The following ATP10B variants were observed in gnomAD, a reference collection of about 807,000 sequenced individuals.
The protein encoded by ATP10B is phospholipid-transporting ATPase VB.
In ATP10B, 122 loss-of-function variants were observed where a neutral mutation model predicts 141.2. The ratio of observed to expected loss-of-function variants is 0.86; its 90% CI spans 0.75 to 1.00. ATP10B has a LOEUF of 1.00. ATP10B is among the 50% of genes least tolerant of loss of function. The probability of loss-of-function intolerance (pLI) is 0.00; values close to 1 mark genes in which losing one functional copy is unlikely to be tolerated. For synonymous variants in ATP10B, 685 were observed against 692.0 expected (o/e 0.99, Z 0.16); for missense variants, 1,876 against 1,825.3 (o/e 1.03, Z -0.51).
chr5:160,816,883 C>A (rs1773675231), intron 1 of ATP10B, among the ~76,000 whole-genome samples: 1 of 152,148 alleles, frequency 6.6e-6, no homozygotes, highest in South Asian at 2.1e-4. Flanking sequence ...AGCATATAAA[C>A]AGAACCAAAG....
chr5:160,802,602 G>A (rs1268474145), intron 1 of ATP10B, among the ~76,000 whole-genome samples: 3 of 152,218 alleles, frequency 2.0e-5, no homozygotes, highest in Admixed American at 2.0e-4. Context: ...ACTTAGACAA[G>A]TTCAAAATGC....
chr5:160,749,272 A>G (rs537389012), intron 2 of ATP10B, among the ~76,000 whole-genome samples: 1 of 152,202 alleles, frequency 6.6e-6, no homozygotes. Flanking sequence ...CAGCTCTGTT[A>G]CACATAAGGA....
chr5:160,743,549 C>A (rs770681571), intron 2 of ATP10B, among the ~76,000 whole-genome samples: 1 of 152,044 alleles, frequency 6.6e-6, no homozygotes, highest in Admixed American at 6.5e-5. Context: ...GATTATTAAG[C>A]TAATTTTTTT....
the ATP10B span, among the ~76,000 whole-genome samples, chr5:160,903,233 G>T: frequency 1.3e-5 from 2 of 152,140 alleles, no homozygotes. Flanking sequence ...CTGGAACCTG[G>T]TCTGCTGACT....
intron 3 of ATP10B, among the ~76,000 whole-genome samples, chr5:160,705,953 T>A (rs758949607): frequency 6.6e-6 from 1 of 152,180 alleles, no homozygotes; most frequent in Non-Finnish European, 1.5e-5. Flanking sequence ...GAGGCCATTG[T>A]AGGGTTATTT....
At chr5:160,881,701 C>T in the ATP10B span, among the ~76,000 whole-genome samples, 1 of 151,998 alleles carries the variant, frequency 6.6e-6, no homozygotes, top group African/African-American at 2.4e-5. Flanking sequence ...GTCCCAGCTA[C>T]TTGGGAGGCT....
intron 17 of ATP10B, chr5:160,613,976 T>C (rs1757864899): frequency 6.6e-6 from 1 of 152,066 alleles, no homozygotes; most frequent in African/African-American, 2.4e-5. Flanking sequence ...GGATGCATAT[T>C]GAAAAGATTA....
intron 20 of ATP10B, 78 bp from the exon 21 acceptor site, chr5:160,602,780 T>C (rs1757167473): frequency 6.3e-7 from 1 of 1,595,600 alleles, no homozygotes; most frequent in Non-Finnish European, 8.6e-7. Flanking sequence ...AGGGCGTTGC[T>C]TTGGTCTAGG....
At chr5:160,845,248 C>T (rs1776050550) in intron 1 of ATP10B, among the ~76,000 whole-genome samples, 1 of 152,046 alleles carries the variant, frequency 6.6e-6, no homozygotes, top group Non-Finnish European at 1.5e-5. Context: ...ATTGTGGTAC[C>T]CTGGGATGCT....
the ATP10B span, among the ~76,000 whole-genome samples, chr5:160,887,358 A>G: frequency 6.7e-6 from 1 of 150,016 alleles, no homozygotes. Context: ...GGGAATAACT[A>G]CAAGAAAAAT....
Position 160,564,515 on chromosome 5 carries a change from G to A in ATP10B, c.*938C>T, listed in dbSNP as rs1408997753. 1.3e-5 allele frequency: 2 copies of A among 152,136 alleles called. No individual in the cohort carries two copies. The highest frequency in any genetic ancestry group is 2.9e-5 in the Non-Finnish European group (2 of 68,028). The allele number at this position is 152,136 out of a possible 1,614,324, so 9.4% of individuals were successfully genotyped here. A position where few individuals can be genotyped will look rare whatever the true frequency, so the allele number is the denominator to read the frequency against. ...GTTTCAGATTAGTTCTACCCTTGAA[G>A]ATGTCATTGTTTAAGCTCAGGGTTG... On this transcript the variant is annotated 3_prime_UTR_variant, in exon 26 of 26. Coordinates refer to ENST00000327245, the MANE Select transcript of ATP10B (RefSeq NM_025153.3).
chr5:160,894,471 T>C, the ATP10B span, among the ~76,000 whole-genome samples: 3 of 151,718 alleles, frequency 2.0e-5, no homozygotes, highest in Non-Finnish European at 4.4e-5. Context: ...AATATCAACT[T>C]AATGAAATAA....
At chr5:160,752,677 C>T (rs1270924056) in intron 2 of ATP10B, among the ~76,000 whole-genome samples, 1 of 152,120 alleles carries the variant, frequency 6.6e-6, no homozygotes, top group African/African-American at 2.4e-5. Context: ...AAGTAGACAG[C>T]TTAAATTCAA....
chr5:160,835,374 T>C (rs1197951365), intron 1 of ATP10B, among the ~76,000 whole-genome samples: 1 of 152,158 alleles, frequency 6.6e-6, no homozygotes, highest in Non-Finnish European at 1.5e-5. Context: ...TCCAGTCATC[T>C]ACAGGGGAGA....
chr5:160,920,676 A>C, the ATP10B span, among the ~76,000 whole-genome samples: 1 of 152,248 alleles, frequency 6.6e-6, no homozygotes, highest in Non-Finnish European at 1.5e-5. Context: ...TCCTAGGCTC[A>C]AGCCACACCT....
chr5:160,577,236 A>T (rs956765890), intron 24 of ATP10B, among the ~76,000 whole-genome samples: 9 of 152,112 alleles, frequency 5.9e-5, no homozygotes, highest in African/African-American at 2.2e-4. Context: ...GGCTCTTTTC[A>T]TCTTTCTGCT....
intron 20 of ATP10B, chr5:160,603,307 C>G (rs1028559660): frequency 1.3e-5 from 2 of 154,876 alleles, no homozygotes; most frequent in African/African-American, 4.8e-5. Context: ...GAATAGCAAT[C>G]CCTTACAGGG....
chr5:160,862,800 A>G, the ATP10B span, among the ~76,000 whole-genome samples: 1 of 151,986 alleles, frequency 6.6e-6, no homozygotes, highest in African/African-American at 2.4e-5. Flanking sequence ...ACATATTTGC[A>G]GAAATAGATA....
chr5:160,924,094 G>A, the ATP10B span, among the ~76,000 whole-genome samples: 440 of 152,332 alleles, frequency 2.9e-3, 1 homozygote, highest in African/African-American at 0.01. Flanking sequence ...CCACCAGCTA[G>A]GCCAGGGCTG....
Sources: allele counts gnomAD v4.1 joint callset (sites outside exome capture counted in the v4.1 genomes callset), GRCh38; gene constraint gnomAD v4.1.1; transcripts MANE v1.5; gene names NCBI Gene and HGNC (gene_info 2026-07-23, HGNC 2026-07-21).